SFSWAP: variants seen among roughly 807,000 people sequenced by gnomAD.
SFSWAP encodes splicing factor, suppressor of white-apricot homolog.
Under a neutral mutation model 100.7 loss-of-function variants are expected in SFSWAP, and 17 were observed. The ratio of observed to expected loss-of-function variants is 0.17; its 90% CI spans 0.12 to 0.25. SFSWAP has a LOEUF of 0.25. Among genes scored for constraint, SFSWAP ranks in the 10% least tolerant of loss-of-function variants. The probability of loss-of-function intolerance (pLI) is 1.00; values close to 1 mark genes in which losing one functional copy is unlikely to be tolerated. For synonymous variants in SFSWAP, 504 were observed against 510.1 expected (o/e 0.99, Z 0.16); for missense variants, 1,005 against 1,262.6 (o/e 0.80, Z 3.09).
Position 131,734,810 on chromosome 12 carries a change from C to T in SFSWAP, c.1081+6382C>T, listed in dbSNP as rs776503085. Among the ~76,000 whole-genome samples the T allele has an allele frequency of 1.1e-4, 16 of 151,910 alleles. No individual in the cohort carries two copies. Among genetic ancestry groups the T allele is most frequent in the Non-Finnish European group, 2.1e-4 (14 of 68,004 alleles). On this transcript the variant is annotated intron_variant, in intron 7 of 17. Transcript: ENST00000261674. This position sits in a 1 kb window ranked among gnomAD's most constrained non-coding sequence, Gnocchi z 4.9. ...AGCTCTCCCTGCGTGCGCACGTCTA[C>T]GTACGCTCGTGTATGCTGAGGAGCA...
chr12:131,799,511 C>A lies in SFSWAP; in HGVS notation c.*23C>A. ...TGAGACGGGGCCAGCGGAGGCAGAGCCGGGAGGCTGCGTGGGCTTCTGGGC... is the reference window on the plus strand; with the variant it reads ...TGAGACGGGGCCAGCGGAGGCAGAGACGGGAGGCTGCGTGGGCTTCTGGGC... On this transcript the variant is annotated 3_prime_UTR_variant, in exon 18 of 18. Coordinates refer to ENST00000261674, the MANE Select transcript of SFSWAP (RefSeq NM_004592.4). 1 of 1,610,874 alleles carries A rather than the reference C, an allele frequency of 6.2e-7. No individual in the cohort carries two copies. Among genetic ancestry groups the A allele is most frequent in the Non-Finnish European group, 8.5e-7 (1 of 1,177,980 alleles).
intron 13 of SFSWAP, among the ~76,000 whole-genome samples, chr12:131,767,120 G>A (rs1332477901): frequency 2.1e-5 from 1 of 47,816 alleles, no homozygotes; most frequent in African/African-American, 9.4e-5. Context: ...ACTGGCTCCT[G>A]TGCCAAGGGG....
At chr12:131,756,193 G>A (rs759274675) in intron 10 of SFSWAP, among the ~76,000 whole-genome samples, 1 of 152,050 alleles carries the variant, frequency 6.6e-6, no homozygotes, top group Non-Finnish European at 1.5e-5. Context: ...AGTAATCAGT[G>A]TCCAAAGAAA....
chr12:131,750,880 A>C (rs1380005379), intron 7 of SFSWAP, among the ~76,000 whole-genome samples: 2 of 144,760 alleles, frequency 1.4e-5, no homozygotes, highest in African/African-American at 2.4e-5. Flanking sequence ...TTTTTTGGAG[A>C]TGGGGTCTGA....
chr12:131,793,408 G>C (rs1885416612), intron 15 of SFSWAP, among the ~76,000 whole-genome samples: 1 of 152,132 alleles, frequency 6.6e-6, no homozygotes, highest in African/African-American at 2.4e-5. Context: ...AACAAAACTT[G>C]CATGAACAGC....
chr12:131,736,703 A>T (rs1423174686), intron 7 of SFSWAP, among the ~76,000 whole-genome samples: 1 of 152,200 alleles, frequency 6.6e-6, no homozygotes, highest in Non-Finnish European at 1.5e-5. Context: ...AGGCATACAG[A>T]ACACTGTGCA....
chr12:131,772,817 C>T (rs1883726605), intron 13 of SFSWAP, among the ~76,000 whole-genome samples: 1 of 152,158 alleles, frequency 6.6e-6, no homozygotes, highest in Non-Finnish European at 1.5e-5. Context: ...CGGCGTCCAG[C>T]AAGAATCAGG....
chr12:131,797,243 A>G lies in SFSWAP; in HGVS notation c.2600A>G (p.Gln867Arg). 1 of 1,612,660 alleles carries G rather than the reference A, an allele frequency of 6.2e-7. No individual in the cohort carries two copies. Reference sequence around the variant, plus strand: ...CGGACCAAGTCCAAGGCCAGGTCTCAGTCGGTGTCACCCAGCAAGCAGGCA... The same window carrying G: ...CGGACCAAGTCCAAGGCCAGGTCTCGGTCGGTGTCACCCAGCAAGCAGGCA... ...RSRTKSKARS[Q>R]SVSPSKQAAP... The change falls in exon 16 of 18, where the codon CAG becomes CGG. Residue 867 changes from glutamine to arginine, a missense_variant. Transcript: ENST00000261674.
At chr12:131,746,781 G>A (rs933936587) in intron 7 of SFSWAP, among the ~76,000 whole-genome samples, 4 of 152,138 alleles carry the variant, frequency 2.6e-5, no homozygotes, top group African/African-American at 7.2e-5. Context: ...GCTGGATGCC[G>A]CCATCTGCAG....
Position 131,714,972 on chromosome 12 carries a change from G to C in SFSWAP, c.520+19G>C, listed in dbSNP as rs1480624628. On this transcript the variant is annotated intron_variant, in intron 3 of 17. Transcript: ENST00000261674. This position sits in a 1 kb window ranked among gnomAD's most constrained non-coding sequence, Gnocchi z 6.0. ...CAGAGAGGTGAGTGGGGAGCTGCCTGGACTGCTGGTGTAGGGCTACACGTG... is the reference window on the plus strand; with the variant it reads ...CAGAGAGGTGAGTGGGGAGCTGCCTCGACTGCTGGTGTAGGGCTACACGTG... 1 of 1,613,250 alleles carries C rather than the reference G, an allele frequency of 6.2e-7. No individual in the cohort carries two copies. Among genetic ancestry groups the C allele is most frequent in the Non-Finnish European group, 8.5e-7 (1 of 1,179,916 alleles).
At chr12:131,728,560 C>T in intron 7 of SFSWAP, 132 bp downstream of exon 7, 1 of 984,112 alleles carries the variant, frequency 1.0e-6, no homozygotes, top group Non-Finnish European at 1.5e-6. Context: ...AGAGCCTGCA[C>T]ATGGTCCCAA....
At chr12:131,742,906 A>G (rs954549906) in intron 7 of SFSWAP, among the ~76,000 whole-genome samples, 18 of 152,298 alleles carry the variant, frequency 1.2e-4, no homozygotes, top group African/African-American at 3.6e-4. Flanking sequence ...GAGGCCTCAC[A>G]ATCATGACAG....
chr12:131,777,004 A>G lies in SFSWAP; in HGVS notation c.2143-1061A>G, dbSNP rs528404971. Among the ~76,000 whole-genome samples, 28 of 152,292 alleles carry G rather than the reference A, an allele frequency of 1.8e-4. No homozygotes were observed. In the South Asian group the frequency reaches 5.8e-3, roughly 32 times the overall value. On this transcript the variant is annotated intron_variant, in intron 13 of 17. Coordinates refer to ENST00000261674, the MANE Select transcript of SFSWAP (RefSeq NM_004592.4). ...TAACACTCAGATGGAGAGGTTTTAA[A>G]ACATCAAAGGGGAGCCTAGACCTTC...
At chr12:131,713,243 CAT>C (rs1877554095) in intron 1 of SFSWAP, 1 of 152,226 alleles carries the variant, frequency 6.6e-6, no homozygotes, top group Non-Finnish European at 1.5e-5. Flanking sequence ...ACGTTGACAG[CAT>C]CCTCATTGAA....
At chr12:131,721,720 A>G (rs1188418821) in intron 4 of SFSWAP, among the ~76,000 whole-genome samples, 2 of 152,234 alleles carry the variant, frequency 1.3e-5, no homozygotes, top group Admixed American at 6.5e-5. Flanking sequence ...TAAGCTCTTG[A>G]TAGTCTGCCA....
chr12:131,786,686 G>A, intron 15 of SFSWAP, 98 bp downstream of exon 15: 1 of 1,348,474 alleles, frequency 7.4e-7, no homozygotes, highest in African/African-American at 1.4e-5. Context: ...CAGAGCTGTG[G>A]ATGACCAGAG....
chr12:131,773,267 T>C (rs900495819), intron 13 of SFSWAP, among the ~76,000 whole-genome samples: 9 of 152,214 alleles, frequency 5.9e-5, no homozygotes, highest in African/African-American at 2.2e-4. Context: ...GAAGTCTTCA[T>C]TGAACCCCTT....
In SFSWAP at chr12:131,778,239, A is replaced by G. The variant is rs1479637782; in HGVS notation, c.2317A>G (p.Lys773Glu). 1.2e-6 allele frequency: 2 copies of G among 1,614,086 alleles called. No homozygotes were observed. Among genetic ancestry groups the G allele is most frequent in the Non-Finnish European group, 1.7e-6 (2 of 1,180,044 alleles). Reference sequence around the variant, plus strand: ...ATCTCGAACAAGATCACGTTCTCCCAAGTACCATTCGTCATCCAAGTCCAG... The same window carrying G: ...ATCTCGAACAAGATCACGTTCTCCCGAGTACCATTCGTCATCCAAGTCCAG... Reference protein sequence around the residue: ...KRSRTRSRSPKYHSSSKSRSR... With the variant: ...KRSRTRSRSPEYHSSSKSRSR... Residue 773 changes from lysine to glutamate, a missense_variant, in exon 14 of 18, where the codon AAG (lysine) becomes GAG (glutamate). By Grantham distance (56) the Lys-to-Glu change is moderately conservative. Around this residue, in one of 7 missense-constraint regions of SFSWAP, gnomAD observed 295 missense variants for 347.9 expected, o/e 0.85. Coordinates refer to ENST00000261674, the MANE Select transcript of SFSWAP (RefSeq NM_004592.4). The surrounding 1 kb of genome is among the most constrained non-coding windows in gnomAD (Gnocchi z 4.2).
At chr12:131,721,956 C>T (rs1878515009) in intron 4 of SFSWAP, among the ~76,000 whole-genome samples, 1 of 152,068 alleles carries the variant, frequency 6.6e-6, no homozygotes, top group South Asian at 2.1e-4. Flanking sequence ...TGTTTTTTGG[C>T]AGTAATTCAT....
Sources: gnomAD v4.1 joint callset for allele counts (sites outside exome capture counted in the v4.1 genomes callset) on GRCh38, gnomAD v4.1.1 for gene constraint, gnomAD v4.1.1 regional missense constraint, Gnocchi (gnomAD v3.1) non-coding constraint, MANE v1.5 for transcripts, NCBI Gene and HGNC (gene_info 2026-07-23, HGNC 2026-07-21) for gene names.